Variants in DGKB observed in about 807,000 individuals in gnomAD.
DGKB encodes diacylglycerol kinase beta, also known as 90 kDa diacylglycerol kinase.
A neutral mutation model predicts 114.3 loss-of-function variants in DGKB; 67 were observed. The observed-to-expected ratio is 0.59, with a 90% CI of 0.48 to 0.72. The LOEUF is 0.72. Among genes scored for constraint, DGKB ranks in the 30% least tolerant of loss-of-function variants. The probability of loss-of-function intolerance (pLI) is 0.00; values close to 1 mark genes in which losing one functional copy is unlikely to be tolerated. For missense variants in DGKB, 907 were observed against 975.2 expected (o/e 0.93, Z 0.93); for synonymous variants, 398 against 323.1 (o/e 1.23, Z -2.49).
At chr7:14,242,975 A>G (rs1793908869) in intron 23 of DGKB, among the ~76,000 whole-genome samples, 1 of 152,008 alleles carries the variant, frequency 6.6e-6, no homozygotes, top group African/African-American at 2.4e-5. Flanking sequence ...ATTTGTTAAC[A>G]GAGGTGACAG....
intron 9 of DGKB, among the ~76,000 whole-genome samples, chr7:14,691,025 T>G (rs1822764538): frequency 6.6e-6 from 1 of 152,206 alleles, no homozygotes; most frequent in Non-Finnish European, 1.5e-5. Context: ...AAGATATGGC[T>G]CTTGCTCTCT....
At chr7:14,170,149 G>A (rs4355675) in intron 25 of DGKB, among the ~76,000 whole-genome samples, 2,562 of 26,158 alleles carry the variant, frequency 0.098, 132 homozygotes, top group African/African-American at 0.37. Context: ...AAAAAAAAAA[G>A]AAAGAAAGAA....
intron 23 of DGKB, among the ~76,000 whole-genome samples, chr7:14,328,062 T>C (rs1016287034): frequency 6.6e-6 from 1 of 152,108 alleles, no homozygotes; most frequent in Non-Finnish European, 1.5e-5. Flanking sequence ...AAACTTTCTT[T>C]CAGTAAATCT....
chr7:14,829,781 T>G (rs1352761563), intron 2 of DGKB, among the ~76,000 whole-genome samples: 6 of 152,148 alleles, frequency 3.9e-5, no homozygotes, highest in African/African-American at 9.7e-5. Context: ...TCAAGATGCC[T>G]TCACTAGAAA....
chr7:14,157,871 A>G (rs1448681208), intron 25 of DGKB, among the ~76,000 whole-genome samples: 1 of 152,184 alleles, frequency 6.6e-6, no homozygotes, highest in Non-Finnish European at 1.5e-5. Context: ...AAACAATACA[A>G]AAACACTTCT....
At chr7:14,427,083 T>G (rs545128164) in intron 21 of DGKB, among the ~76,000 whole-genome samples, 3 of 151,386 alleles carry the variant, frequency 2.0e-5, no homozygotes, top group Admixed American at 2.0e-4. Flanking sequence ...GAACACACAC[T>G]GGGGCCTGTC....
At chr7:14,787,191 C>G (rs887458608) in intron 2 of DGKB, among the ~76,000 whole-genome samples, 1 of 152,186 alleles carries the variant, frequency 6.6e-6, no homozygotes, top group African/African-American at 2.4e-5. Context: ...CCAGCTTAAG[C>G]AACAACAGTA....
chr7:14,383,289 C>T (rs1819779091), intron 21 of DGKB, among the ~76,000 whole-genome samples: 1 of 152,108 alleles, frequency 6.6e-6, no homozygotes, highest in Non-Finnish European at 1.5e-5. Context: ...ACACCAGTTC[C>T]TAAAGCAATA....
At chr7:14,934,309 A>C (rs923488567) in intron 1 of DGKB, among the ~76,000 whole-genome samples, 1 of 152,200 alleles carries the variant, frequency 6.6e-6, no homozygotes, top group Admixed American at 6.5e-5. Context: ...AATTTTCAAC[A>C]GAAACATTAT....
intron 2 of DGKB, among the ~76,000 whole-genome samples, chr7:14,810,711 C>A (rs533476822): frequency 6.4e-4 from 97 of 151,116 alleles, no homozygotes; most frequent in African/African-American, 2.1e-3. Flanking sequence ...CAGGCTCAAG[C>A]GATTCGTGTG....
chr7:14,427,062 A>T (rs1364292692), intron 21 of DGKB, among the ~76,000 whole-genome samples: 1 of 151,774 alleles, frequency 6.6e-6, no homozygotes, highest in East Asian at 1.9e-4. Context: ...ACTCTCAAAA[A>T]ATACAAGGGG....
At chr7:14,969,675 C>T (rs1333266106) in intron 1 of DGKB, among the ~76,000 whole-genome samples, 1 of 152,132 alleles carries the variant, frequency 6.6e-6, no homozygotes, top group African/African-American at 2.4e-5. Flanking sequence ...GATCCCAAAA[C>T]CATGCATCCC....
intron 21 of DGKB, among the ~76,000 whole-genome samples, chr7:14,466,200 G>A (rs753863916): frequency 1.3e-5 from 2 of 152,016 alleles, no homozygotes; most frequent in South Asian, 4.2e-4. Flanking sequence ...ACGAACAAGC[G>A]CTCATTGAGT....
At chr7:14,306,794 A>C (rs1322980551) in intron 23 of DGKB, among the ~76,000 whole-genome samples, 1 of 152,200 alleles carries the variant, frequency 6.6e-6, no homozygotes, top group Non-Finnish European at 1.5e-5. Context: ...AAGAAACAAA[A>C]GCTTCAGGGG....
chr7:14,242,848 T>C (rs1197228035), intron 23 of DGKB, among the ~76,000 whole-genome samples: 1 of 142,902 alleles, frequency 7.0e-6, no homozygotes, highest in Admixed American at 7.4e-5. Flanking sequence ...AAGAAACCCA[T>C]CCAAATATAT....
At chr7:14,963,742 T>C (rs62448581) in intron 1 of DGKB, among the ~76,000 whole-genome samples, 7,021 of 152,234 alleles carry the variant, frequency 0.046, 242 homozygotes, top group Non-Finnish European at 0.076. Context: ...AAGTATGTGC[T>C]AAATTCCCAT....
At chr7:14,206,259 A>G (rs1324403790) in intron 23 of DGKB, among the ~76,000 whole-genome samples, 1 of 152,028 alleles carries the variant, frequency 6.6e-6, no homozygotes, top group Non-Finnish European at 1.5e-5. Flanking sequence ...CCAAGGTGAT[A>G]GATAGTTTGT....
chr7:14,255,739 C>CTT (rs11299209), intron 23 of DGKB, among the ~76,000 whole-genome samples: 13 of 148,098 alleles, frequency 8.8e-5, no homozygotes, highest in South Asian at 4.3e-4. Context: ...CTTCTCATCT[C>CTT]TTTTTTTTTT....
rs62444636 is a variant in DGKB at position 14,407,029 on chromosome 7, C to T, written c.1836-61638G>A. ...ATGAAAGAAAATTCAGGATCAAGTA[C>T]ATGAGGTCTATAGAAGGTCAAACAG... On this transcript the variant is annotated intron_variant, in intron 21 of 25. Transcript: ENST00000402815. Among the ~76,000 whole-genome samples, 1,013 of 152,104 alleles carry T rather than the reference C, an allele frequency of 6.7e-3. 5 individuals are homozygous for T. The highest frequency in any genetic ancestry group is 0.017 in the Middle Eastern group (5 of 294).
Sources: gnomAD v4.1 joint callset for allele counts (sites outside exome capture counted in the v4.1 genomes callset) on GRCh38, gnomAD v4.1.1 for gene constraint, MANE v1.5 for transcripts, NCBI Gene and HGNC (gene_info 2026-07-23, HGNC 2026-07-21) for gene names.